Variants in SPTLC3 observed in about 807,000 individuals in gnomAD.
SPTLC3 encodes the protein serine palmitoyltransferase long chain base subunit 3.
SPTLC3 carries 36 observed loss-of-function variants against 59.3 expected under a neutral mutation model. That is an observed-to-expected ratio of 0.61 (90% CI 0.47 to 0.80). The LOEUF is 0.80. Among genes scored for constraint, SPTLC3 ranks in the 30% least tolerant of loss-of-function variants. The probability of loss-of-function intolerance (pLI) is 0.00; values close to 1 mark genes in which losing one functional copy is unlikely to be tolerated. For missense variants in SPTLC3, 625 were observed against 685.1 expected (o/e 0.91, Z 0.98); for synonymous variants, 257 against 240.8 (o/e 1.07, Z -0.62).
At chr20:13,051,563 T>C (rs931192194) in intron 2 of SPTLC3, among the ~76,000 whole-genome samples, 29 of 152,196 alleles carry the variant, frequency 1.9e-4, no homozygotes, top group Non-Finnish European at 4.0e-4. Context: ...ACAATGGATT[T>C]AAACTATACC....
In SPTLC3 at chr20:13,093,544, T is replaced by C. The variant is rs1282000990; in HGVS notation, c.793T>C (p.Ser265Pro). 2.5e-6 allele frequency: 4 copies of C among 1,613,502 alleles called. No individual in the cohort carries two copies. In the Admixed American group the frequency reaches 5.0e-5, roughly 20 times the overall value. Residue 265 changes from serine (S) to proline (P), a missense_variant, in exon 6 of 12, where the codon TCA becomes CCA. Physicochemically the swap from Ser to Pro is moderately conservative, Grantham distance 74. Transcript: ENST00000399002. ...HTSLVLGARL[S>P]GATIRIFKHN... ...ATCGCTTGTGCTTGGGGCCCGACTCTCAGGTGCAACCATAAGAATCTTCAA... is the reference window on the plus strand; with the variant it reads ...ATCGCTTGTGCTTGGGGCCCGACTCCCAGGTGCAACCATAAGAATCTTCAA...
intron 4 of SPTLC3, 86 bp from the exon 5 acceptor site, chr20:13,090,997 G>T (rs943319198): frequency 6.5e-7 from 1 of 1,543,358 alleles, no homozygotes; most frequent in Non-Finnish European, 8.8e-7. Flanking sequence ...AGGTCTTTTG[G>T]TGATGTGTAC....
At position 13,169,069 on chromosome 20, in the gene SPTLC3, T is replaced by TA. The variant is rs2123031394; in HGVS notation, c.*4203dup. ...TCACTTTATTGTGCCTGTAAAATGTTAGTTTTAAAATAAATAAAAATAATA... is the reference window on the plus strand; with the variant it reads ...TCACTTTATTGTGCCTGTAAAATGTTAAGTTTTAAAATAAATAAAAATAATA... On this transcript the variant is annotated 3_prime_UTR_variant, in exon 12 of 12. Coordinates refer to ENST00000399002, the MANE Select transcript of SPTLC3 (RefSeq NM_018327.4). The TA allele has an allele frequency of 6.6e-6, 1 of 152,208 alleles. No individual in the cohort carries two copies. The highest frequency in any genetic ancestry group is 2.4e-5 in the African/African-American group (1 of 41,528). The allele number at this position is 152,208 out of a possible 1,614,324, so 9.4% of individuals were successfully genotyped here. A position where few individuals can be genotyped will look rare whatever the true frequency, so the allele number is the denominator to read the frequency against.
At chr20:13,061,500 C>T (rs556768578) in intron 2 of SPTLC3, among the ~76,000 whole-genome samples, 40 of 152,142 alleles carry the variant, frequency 2.6e-4, no homozygotes, top group Non-Finnish European at 4.9e-4. Context: ...CGCTAGCTCA[C>T]AGTCATCAGC....
intron 1 of SPTLC3, among the ~76,000 whole-genome samples, chr20:13,036,479 C>G (rs1986740040): frequency 6.6e-6 from 1 of 152,044 alleles, no homozygotes; most frequent in Non-Finnish European, 1.5e-5. Context: ...TTCTTAATAA[C>G]ATATTTTTCT....
chr20:13,133,725 C>A (rs963841812), intron 9 of SPTLC3, among the ~76,000 whole-genome samples: 1 of 152,018 alleles, frequency 6.6e-6, no homozygotes, highest in African/African-American at 2.4e-5. Context: ...AAAGAAGAGA[C>A]CCTGAGCCAG....
Position 13,091,571 on chromosome 20 carries a change from C to CA in SPTLC3, c.732+377dup, listed in dbSNP as rs33970207. Among the ~76,000 whole-genome samples the CA allele has an allele frequency of 2.4e-4, 33 of 138,668 alleles. 1 individual carries two copies. Among genetic ancestry groups the CA allele is most frequent in the South Asian group, 7.0e-4 (3 of 4,302 alleles). The allele number at this position is 138,668 out of a possible 152,430, so 91.0% of individuals were successfully genotyped here. The stretch of plus-strand genomic sequence containing the variant: ...CTGGTGACAGAGTGAGACTCTGTCT[C>CA]AAAAAAAAAAAAAGAAAAAAAGAAG... On this transcript the variant is annotated intron_variant, in intron 5 of 11. Coordinates refer to ENST00000399002, the MANE Select transcript of SPTLC3 (RefSeq NM_018327.4).
At chr20:13,147,784 T>A (rs1193447052) in intron 9 of SPTLC3, among the ~76,000 whole-genome samples, 1 of 152,228 alleles carries the variant, frequency 6.6e-6, no homozygotes, top group Non-Finnish European at 1.5e-5. Flanking sequence ...GTCTGTATTC[T>A]GGACAGTGGT....
chr20:13,086,814 A>G (rs1279003949), intron 4 of SPTLC3, among the ~76,000 whole-genome samples: 1 of 150,974 alleles, frequency 6.6e-6, no homozygotes, highest in Non-Finnish European at 1.5e-5. Flanking sequence ...TTTTTCCCCT[A>G]ATGAGATCTT....
chr20:13,030,787 G>T (rs75623188), intron 1 of SPTLC3, among the ~76,000 whole-genome samples: 8,395 of 152,014 alleles, frequency 0.055, 274 homozygotes, highest in South Asian at 0.083. Flanking sequence ...ACTTCCTTCT[G>T]CCTGGAAGAC....
chr20:13,022,281 C>T (rs920205344), intron 1 of SPTLC3, among the ~76,000 whole-genome samples: 1 of 152,174 alleles, frequency 6.6e-6, no homozygotes, highest in East Asian at 1.9e-4. Flanking sequence ...ACCTTTCCCT[C>T]AGCAACTCCC....
chr20:13,158,561 C>A (rs1209780314), intron 10 of SPTLC3, among the ~76,000 whole-genome samples: 2 of 152,138 alleles, frequency 1.3e-5, no homozygotes, highest in Non-Finnish European at 2.9e-5. Flanking sequence ...GTTTCTCAGA[C>A]AATTATGAGC....
chr20:13,040,244 G>A (rs1436875218), intron 1 of SPTLC3, among the ~76,000 whole-genome samples: 1 of 151,812 alleles, frequency 6.6e-6, no homozygotes, highest in African/African-American at 2.4e-5. Context: ...TCTTTGTGCT[G>A]TTATTGCATA....
At chr20:13,014,656 T>C (rs1167762399) in intron 1 of SPTLC3, among the ~76,000 whole-genome samples, 1 of 151,652 alleles carries the variant, frequency 6.6e-6, no homozygotes, top group Non-Finnish European at 1.5e-5. Flanking sequence ...AGAGGAAAAA[T>C]AGTGAAGTGA....
intron 4 of SPTLC3, among the ~76,000 whole-genome samples, chr20:13,089,785 C>CAAAAA (rs752234758): frequency 1.5e-4 from 12 of 79,238 alleles, no homozygotes; most frequent in East Asian, 4.0e-4. Flanking sequence ...GATTCTATCT[C>CAAAAA]AAAAAAAAAA....
At chr20:13,111,209 G>A (rs951722636) in intron 7 of SPTLC3, among the ~76,000 whole-genome samples, 1 of 152,172 alleles carries the variant, frequency 6.6e-6, no homozygotes, top group African/African-American at 2.4e-5. Context: ...TGTGGGAAAT[G>A]CAAAGTTTGC....
intron 6 of SPTLC3, among the ~76,000 whole-genome samples, chr20:13,103,892 C>T (rs1433115542): frequency 6.6e-6 from 1 of 152,216 alleles, no homozygotes; most frequent in Non-Finnish European, 1.5e-5. Flanking sequence ...GGAAGACACA[C>T]TATGAACTAT....
rs845728 is a variant in SPTLC3, at chr20:13,086,233, T to C, written c.608-4850T>C. 3.4e-3 allele frequency among the ~76,000 whole-genome samples: 515 copies of C among 152,368 alleles called. 1 individual carries two copies. Among genetic ancestry groups the C allele is most frequent in the African/African-American group, 0.011 (473 of 41,582 alleles). ...ACCTTTACTCAATCAGGGTATGGCC[T>C]GAATCAATGTTTGTAGAAAGCAAAG... On this transcript the variant is annotated intron_variant, in intron 4 of 11. Transcript: ENST00000399002.
chr20:13,069,136 T>C (rs1482725410), intron 2 of SPTLC3, among the ~76,000 whole-genome samples: 2 of 152,170 alleles, frequency 1.3e-5, no homozygotes, highest in Admixed American at 6.5e-5. Flanking sequence ...CTACTATATA[T>C]AGTCTGGCAA....
Sources: allele counts gnomAD v4.1 joint callset (sites outside exome capture counted in the v4.1 genomes callset), GRCh38; gene constraint gnomAD v4.1.1; transcripts MANE v1.5; gene names NCBI Gene and HGNC (gene_info 2026-07-23, HGNC 2026-07-21).